Variants in ABCC6 observed in about 807,000 individuals in gnomAD.
The protein encoded by ABCC6 is ATP-binding cassette sub-family C member 6.
Under a neutral mutation model 169.5 loss-of-function variants are expected in ABCC6, and 126 were observed. That is an observed-to-expected ratio of 0.74 (90% CI 0.64 to 0.86). The LOEUF (loss-of-function observed/expected upper bound fraction) is 0.86, where lower values mean the gene tolerates loss of function less well. ABCC6 is among the 40% of genes least tolerant of loss of function. ABCC6 has a pLI of 0.00. For missense variants in ABCC6, 1,733 were observed against 1,927.2 expected (o/e 0.90, Z 1.89); for synonymous variants, 752 against 814.7 (o/e 0.92, Z 1.31).
chr16:16,211,156 C>G (rs1287786856), intron 6 of ABCC6, among the ~76,000 whole-genome samples: 1 of 151,348 alleles, frequency 6.6e-6, no homozygotes, highest in African/African-American at 2.4e-5. Flanking sequence ...AATCCCAGCA[C>G]TTTGGGAAGC....
At position 16,187,280 on chromosome 16, in the gene ABCC6, C is replaced by A. The variant is rs1212394898; in HGVS notation, c.1780-69G>T. 3.3e-5 allele frequency: 44 copies of A among 1,317,142 alleles called. 1 individual carries two copies. In the East Asian group the frequency reaches 1.1e-3, roughly 32 times the overall value. 81.6% of individuals were successfully genotyped at this position (1,317,142 alleles called of 1,614,324 possible). On this transcript the variant is annotated intron_variant, in intron 13 of 30. Coordinates refer to ENST00000205557, the MANE Select transcript of ABCC6 (RefSeq NM_001171.6). ...GAACTCAGGTTTTGGGTGTCGGTGTCTCAAGATGTGTGGCAACAGCTTCCT... is the reference window on the plus strand; with the variant it reads ...GAACTCAGGTTTTGGGTGTCGGTGTATCAAGATGTGTGGCAACAGCTTCCT...
At chr16:16,217,608 C>T (rs994215911) in intron 4 of ABCC6, among the ~76,000 whole-genome samples, 3 of 152,294 alleles carry the variant, frequency 2.0e-5, no homozygotes, top group East Asian at 1.9e-4. Context: ...AGTGAGGAGA[C>T]GTGTGTAAGT....
rs143487365 is a variant in ABCC6, at chr16:16,198,111, G to A, written c.1248C>T (p.Asp416=). The A allele has an allele frequency of 4.0e-3, 6,412 of 1,613,070 alleles. 18 individuals are homozygous for A. Among genetic ancestry groups the A allele is most frequent in the Non-Finnish European group, 5.0e-3 (5,951 of 1,179,614 alleles). ...GGACGCTCTCGGTCAGCCGCTGCACGTCCACGGACACCAGATTGACCACAT... is the reference window on the plus strand; with the variant it reads ...GGACGCTCTCGGTCAGCCGCTGCACATCCACGGACACCAGATTGACCACAT... ...VGDVVNLVSV[D]VQRLTESVLY... is the part of the protein sequence containing the mutation. Residue 416 remains aspartate (D), a synonymous_variant, in exon 10 of 31, where the codon GAC becomes GAT. Coordinates refer to ENST00000205557, the MANE Select transcript of ABCC6 (RefSeq NM_001171.6).
intron 11 of ABCC6, among the ~76,000 whole-genome samples, chr16:16,191,598 C>G (rs916099427): frequency 9.3e-5 from 14 of 151,088 alleles, no homozygotes; most frequent in Admixed American, 8.6e-4. Context: ...TTCCTTCCTT[C>G]CCTATCTCCT....
chr16:16,182,560 G>A lies in ABCC6; in HGVS notation c.2099C>T (p.Ala700Val). 6.2e-7 allele frequency: 1 copy of A among 1,613,078 alleles called. No individual in the cohort carries two copies. The highest frequency in any genetic ancestry group is 8.5e-7 in the Non-Finnish European group (1 of 1,179,146). The change falls in exon 17 of 31, where the codon GCC becomes GTC. Residue 700 changes from alanine (A) to valine (V), a missense_variant. Ala to Val is a moderately conservative substitution (Grantham distance 64). This residue lies in a region of ABCC6 where 1,601 missense variants were observed against 1,635.5 expected (regional missense o/e 0.98). Transcript: ENST00000205557. ...TACCACAGAGGTGTTCTGCACCCAG[G>A]CCTCCTGGGGCACGTAGGCCACAGC... is the stretch of plus-strand genomic sequence containing the variant. ...EGAVAYVPQE[A>V]WVQNTSVVEN... is the part of the protein sequence containing the mutation.
chr16:16,198,567 G>A (rs2048130467), intron 9 of ABCC6, among the ~76,000 whole-genome samples: 1 of 152,076 alleles, frequency 6.6e-6, no homozygotes, highest in African/African-American at 2.4e-5. Flanking sequence ...TCTAATGCCA[G>A]GCCAGGTGCA....
intron 6 of ABCC6, among the ~76,000 whole-genome samples, chr16:16,210,173 G>A (rs1426629295): frequency 6.6e-6 from 1 of 151,918 alleles, no homozygotes; most frequent in Admixed American, 6.6e-5. Flanking sequence ...ATCTCACTCT[G>A]TTGCTCAGGC....
chr16:16,197,002 T>G (rs971653354), intron 10 of ABCC6, among the ~76,000 whole-genome samples: 2 of 152,172 alleles, frequency 1.3e-5, no homozygotes, highest in African/African-American at 4.8e-5. Context: ...CAGAGTCTGA[T>G]TTTAATTTAA....
chr16:16,184,985 G>A lies in ABCC6; in HGVS notation c.1917C>T (p.Ser639=). 1 of 1,613,748 alleles carries A rather than the reference G, an allele frequency of 6.2e-7. No homozygotes were observed. The highest frequency in any genetic ancestry group is 1.7e-4 in the Middle Eastern group (1 of 6,060). Residue 639 remains serine (S), a synonymous_variant, in exon 15 of 31, where the codon TCC becomes TCT. Coordinates refer to ENST00000205557, the MANE Select transcript of ABCC6 (RefSeq NM_001171.6). The part of the protein sequence containing the change: ...ITIHSATFAW[S]QESPPCLHRI... ...TGTGGAGGCAGGGAGGGCTTTCCTG[G>A]GACCAGGCGAAGGTGGCACTGTGTA...
chr16:16,219,815 T>C lies in ABCC6; in HGVS notation c.345+7A>G, dbSNP rs1363398840. 5.4e-6 allele frequency: 8 copies of C among 1,492,878 alleles called. No individual in the cohort carries two copies. Among genetic ancestry groups the C allele is most frequent in the African/African-American group, 1.4e-5 (1 of 70,784 alleles). 92.5% of individuals were successfully genotyped at this position (1,492,878 alleles called of 1,614,324 possible). A position where few individuals can be genotyped will look rare whatever the true frequency, so the allele number is the denominator to read the frequency against. The stretch of plus-strand genomic sequence containing the variant: ...GAAGCCGGGCTCCAGACTGAAGGCA[T>C]CATTACCATCGTGGTGAGCCACACA... On this transcript the variant is annotated splice_region_variant and intron_variant, in intron 3 of 30. Transcript: ENST00000205557.
At chr16:16,203,722 G>A (rs2048314238) in intron 7 of ABCC6, 109 bp from the exon 8 acceptor site, 2 of 1,212,684 alleles carry the variant, frequency 1.6e-6, no homozygotes, top group Middle Eastern at 2.1e-4. Flanking sequence ...ATGGGTGGGT[G>A]TGGATCTAGC....
At position 16,187,330 on chromosome 16, in the gene ABCC6, G is replaced by A. The variant is rs146072859; in HGVS notation, c.1780-119C>T. 1,495 of 820,508 alleles carry A rather than the reference G, an allele frequency of 1.8e-3. 15 individuals are homozygous for A. In the African/African-American group the frequency reaches 0.022, roughly 12 times the overall value. The allele number at this position is 820,508 out of a possible 1,614,324, so 50.8% of individuals were successfully genotyped here. ...TGTCTACCAAGCTCTGTGCATAGGAGGCGTGAGGACAAAGCTTTCTAGTTC... is the reference window on the plus strand; with the variant it reads ...TGTCTACCAAGCTCTGTGCATAGGAAGCGTGAGGACAAAGCTTTCTAGTTC... On this transcript the variant is annotated intron_variant, in intron 13 of 30. Coordinates refer to ENST00000205557, the MANE Select transcript of ABCC6 (RefSeq NM_001171.6).
chr16:16,152,253 A>C (rs948857801), intron 29 of ABCC6, among the ~76,000 whole-genome samples: 1 of 140,704 alleles, frequency 7.1e-6, no homozygotes, highest in Non-Finnish European at 1.5e-5. Flanking sequence ...CTTGGCATGG[A>C]GTAGCACCCT....
At chr16:16,216,789 G>C (rs2152298004) in intron 4 of ABCC6, among the ~76,000 whole-genome samples, 1 of 146,950 alleles carries the variant, frequency 6.8e-6, no homozygotes, top group Non-Finnish European at 1.5e-5. Context: ...CTGGTCTTTT[G>C]GCTACCATGG....
At chr16:16,215,396 T>G (rs2048825233) in intron 4 of ABCC6, among the ~76,000 whole-genome samples, 1 of 152,160 alleles carries the variant, frequency 6.6e-6, no homozygotes, top group Non-Finnish European at 1.5e-5. Flanking sequence ...CCTAATTTTC[T>G]TTCTTTTTTT....
intron 5 of ABCC6, among the ~76,000 whole-genome samples, chr16:16,212,873 ATGT>A (rs1405736198): frequency 1.3e-5 from 2 of 152,126 alleles, no homozygotes; most frequent in African/African-American, 4.8e-5. Context: ...CCCTCGGCAA[ATGT>A]TGTGAAGACA....
intron 14 of ABCC6, among the ~76,000 whole-genome samples, chr16:16,185,763 T>C (rs1180822782): frequency 7.0e-6 from 1 of 142,452 alleles, no homozygotes. Context: ...CCAGCCTGGA[T>C]GACGGAGTAA....
chr16:16,149,770 A>C lies in ABCC6; in HGVS notation c.*363T>G. 2.5e-6 allele frequency: 1 copy of C among 406,036 alleles called. No homozygotes were observed. The allele number at this position is 406,036 out of a possible 1,614,324, so 25.2% of individuals were successfully genotyped here. A position where few individuals can be genotyped will look rare whatever the true frequency, so the allele number is the denominator to read the frequency against. On this transcript the variant is annotated 3_prime_UTR_variant, in exon 31 of 31. Transcript: ENST00000205557. ...AAGTGTTAATTTGTAAAAAGTACAC[A>C]CAGCATGGCAGTTCCCAGCCTCAGA...
At chr16:16,213,925 C>G (rs555734549) in intron 5 of ABCC6, among the ~76,000 whole-genome samples, 1 of 148,000 alleles carries the variant, frequency 6.8e-6, no homozygotes, top group African/African-American at 2.5e-5. Context: ...CCAGTAGCTA[C>G]GTGAGAACAG....
Sources: allele counts gnomAD v4.1 joint callset (sites outside exome capture counted in the v4.1 genomes callset), GRCh38; gene constraint gnomAD v4.1.1; regional missense constraint gnomAD v4.1.1; transcripts MANE v1.5; gene names NCBI Gene and HGNC (gene_info 2026-07-23, HGNC 2026-07-21).